WDPCP: variants seen among roughly 807,000 people sequenced by gnomAD.
The protein encoded by WDPCP is WD repeat containing planar cell polarity effector, also known as WD repeat-containing and planar cell polarity effector protein fritz homolog.
WDPCP carries 71 observed loss-of-function variants against 93.1 expected under a neutral mutation model. The observed-to-expected ratio is 0.76, with a 90% confidence interval of 0.63 to 0.93. The LOEUF is 0.93. WDPCP is among the 40% of genes least tolerant of loss of function. WDPCP has a pLI of 0.00. For synonymous variants in WDPCP, 315 were observed against 315.0 expected, an observed-to-expected ratio of 1.00 and a Z score of 0.00; for missense variants, 844 against 887.4, an observed-to-expected ratio of 0.95 and a Z score of 0.62.
At chr2:63,197,266 T>A (rs1675512208) in intron 14 of WDPCP, among the ~76,000 whole-genome samples, 1 of 152,190 alleles carries the variant, frequency 6.6e-6, no homozygotes, top group South Asian at 2.1e-4. Flanking sequence ...ATTTTTATAA[T>A]AAAATTTTCT....
At chr2:63,136,568 A>C (rs1339855096) in intron 17 of WDPCP, among the ~76,000 whole-genome samples, 1 of 152,152 alleles carries the variant, frequency 6.6e-6, no homozygotes, top group Non-Finnish European at 1.5e-5. Flanking sequence ...TCGGTTCAGG[A>C]ATACATGTGT....
rs543101613 is a variant in WDPCP at position 63,345,918 on chromosome 2, A to G, written c.1748+32468T>C. ...ATAACTACAGTCAAATCTCAGCACA[A>G]TCCAGCTGGGGACATGATGAACCTG... On this transcript the variant is annotated intron_variant, in intron 12 of 17. Coordinates refer to ENST00000272321, the MANE Select transcript of WDPCP (RefSeq NM_015910.7). Among the ~76,000 whole-genome samples, 12 of 152,236 alleles carry G rather than the reference A, an allele frequency of 7.9e-5. No homozygotes were observed. In the South Asian group the frequency reaches 1.7e-3, roughly 21 times the overall value.
intron 2 of WDPCP, among the ~76,000 whole-genome samples, chr2:63,491,500 A>G (rs1165686548): frequency 6.6e-6 from 1 of 152,154 alleles, no homozygotes; most frequent in East Asian, 1.9e-4. Context: ...CATTCCAGAG[A>G]GGAATATCTC....
In WDPCP at chr2:63,510,611, G is replaced by A. The variant is rs149100407; in HGVS notation, c.76-17671C>T. On this transcript the variant is annotated intron_variant, in intron 1 of 17. Coordinates refer to ENST00000272321, the MANE Select transcript of WDPCP (RefSeq NM_015910.7). ...ATCAGGAAAAAGAAAGAAATAAAGCGTATTCAAATAGGAAGAGAGGAAATC... is the reference window on the plus strand; with the variant it reads ...ATCAGGAAAAAGAAAGAAATAAAGCATATTCAAATAGGAAGAGAGGAAATC... 8.5e-5 allele frequency among the ~76,000 whole-genome samples: 13 copies of A among 152,262 alleles called. No individual in the cohort carries two copies. In the East Asian group the frequency reaches 1.4e-3, roughly 16 times the overall value.
rs968138635 is a variant in WDPCP at position 63,291,654 on chromosome 2, C to T, written c.1812+21594G>A. Among the ~76,000 whole-genome samples, 163 of 151,784 alleles carry T rather than the reference C, an allele frequency of 1.1e-3. 2 individuals carry two copies. The highest frequency in any genetic ancestry group is 6.0e-4 in the Non-Finnish European group (41 of 67,920). On this transcript the variant is annotated intron_variant, in intron 13 of 17. Coordinates refer to ENST00000272321, the MANE Select transcript of WDPCP (RefSeq NM_015910.7). ...TGAAAACCCATCTCTACTAAAAATA[C>T]AAAAATTAGCTGGGCATGGTGGCTT... is the stretch of plus-strand genomic sequence containing the variant.
intron 13 of WDPCP, among the ~76,000 whole-genome samples, chr2:63,284,988 C>A (rs1559282161): frequency 2.0e-5 from 3 of 151,550 alleles, no homozygotes; most frequent in African/African-American, 7.3e-5. Flanking sequence ...ATTGGAATAC[C>A]AAACAAAACA....
intron 2 of WDPCP, among the ~76,000 whole-genome samples, chr2:63,809,270 C>T (rs1411712910): frequency 6.6e-6 from 1 of 151,574 alleles, no homozygotes; most frequent in African/African-American, 2.4e-5. Flanking sequence ...CAGCCAGCCG[C>T]CCCATCCGGG....
chr2:63,444,537 G>A (rs1697717938), intron 6 of WDPCP, among the ~76,000 whole-genome samples: 1 of 152,162 alleles, frequency 6.6e-6, no homozygotes, highest in Non-Finnish European at 1.5e-5. Context: ...AAGGGTCTAT[G>A]TAAGATTTGG....
At chr2:63,523,241 C>G (rs1191765785) in intron 1 of WDPCP, among the ~76,000 whole-genome samples, 1 of 152,238 alleles carries the variant, frequency 6.6e-6, no homozygotes, top group East Asian at 1.9e-4. Context: ...AAAAGGCTTT[C>G]CATAAAAGTC....
intron 1 of WDPCP, among the ~76,000 whole-genome samples, chr2:63,825,936 CACTT>C (rs1671106912): frequency 6.6e-6 from 1 of 152,076 alleles, no homozygotes; most frequent in Non-Finnish European, 1.5e-5. Flanking sequence ...TTTGTGTGCT[CACTT>C]AAACTTCTTG....
intron 13 of WDPCP, among the ~76,000 whole-genome samples, chr2:63,263,088 C>G (rs550998941): frequency 6.6e-6 from 1 of 152,208 alleles, no homozygotes; most frequent in East Asian, 1.9e-4. Context: ...GAGTATATCT[C>G]TATAATTCCA....
upstream of WDPCP, among the ~76,000 whole-genome samples, chr2:63,829,442 GC>G (rs1287587692): frequency 2.0e-5 from 3 of 152,060 alleles, no homozygotes; most frequent in Non-Finnish European, 2.9e-5. Flanking sequence ...TCAACTCCTT[GC>G]TTTTTTAACA....
At chr2:63,777,475 C>A (rs934162129) in intron 2 of WDPCP, among the ~76,000 whole-genome samples, 11 of 152,136 alleles carry the variant, frequency 7.2e-5, no homozygotes, top group Non-Finnish European at 1.5e-4. Context: ...TGAATGTTCA[C>A]AGCAGCTCTA....
chr2:63,477,719 GT>G (rs1381579452), intron 6 of WDPCP: 2 of 152,298 alleles, frequency 1.3e-5, no homozygotes, highest in Non-Finnish European at 2.9e-5. Flanking sequence ...AGTGCCCGAA[GT>G]GTGAAAGTGG....
intron 17 of WDPCP, among the ~76,000 whole-genome samples, chr2:63,146,724 C>T (rs1057144616): frequency 1.3e-5 from 2 of 151,686 alleles, no homozygotes; most frequent in South Asian, 4.2e-4. Context: ...GCTAAAGAGG[C>T]GAAGTGTATG....
At chr2:63,735,671 C>A (rs1215443349) in intron 2 of WDPCP, among the ~76,000 whole-genome samples, 1 of 152,082 alleles carries the variant, frequency 6.6e-6, no homozygotes, top group Non-Finnish European at 1.5e-5. Context: ...GTGGGAAAAC[C>A]AGTTAGGAGT....
intron 14 of WDPCP, among the ~76,000 whole-genome samples, chr2:63,199,357 C>T (rs1161227471): frequency 6.6e-6 from 1 of 152,194 alleles, no homozygotes; most frequent in Non-Finnish European, 1.5e-5. Flanking sequence ...GAGACCCTTG[C>T]AGCAGCCCCT....
chr2:63,456,862 A>C (rs1698659226), intron 6 of WDPCP, among the ~76,000 whole-genome samples: 1 of 151,988 alleles, frequency 6.6e-6, no homozygotes, highest in Non-Finnish European at 1.5e-5. Flanking sequence ...AAATACAAAA[A>C]CTTGCCGAGC....
chr2:63,259,764 T>C (rs1681461418), intron 13 of WDPCP, among the ~76,000 whole-genome samples: 1 of 152,198 alleles, frequency 6.6e-6, no homozygotes, highest in South Asian at 2.1e-4. Context: ...TAATTGTATA[T>C]TATGCTAAGC....
Sources: allele counts gnomAD v4.1 joint callset (sites outside exome capture counted in the v4.1 genomes callset), GRCh38; gene constraint gnomAD v4.1.1; transcripts MANE v1.5; gene names NCBI Gene and HGNC (gene_info 2026-07-23, HGNC 2026-07-21).